JPH3: variants seen among roughly 807,000 people sequenced by gnomAD.
JPH3 encodes the protein junctophilin 3, also known as junctophilin-3.
JPH3 carries 11 observed loss-of-function variants against 59.6 expected under a neutral mutation model. The observed-to-expected ratio is 0.18, with a 90% CI of 0.12 to 0.31. The LOEUF is 0.31. Ranked by LOEUF, JPH3 falls within the 10% of genes least tolerant of loss-of-function variation. The probability of loss-of-function intolerance (pLI) is 1.00; values close to 1 mark genes in which losing one functional copy is unlikely to be tolerated. For missense variants in JPH3, 1,202 were observed against 1,105.7 expected (o/e 1.09, Z -1.24); for synonymous variants, 673 against 483.6 (o/e 1.39, Z -5.14).
At chr16:87,613,615 C>T (rs1488923368) in intron 1 of JPH3, among the ~76,000 whole-genome samples, 1 of 152,138 alleles carries the variant, frequency 6.6e-6, no homozygotes, top group African/African-American at 2.4e-5. Flanking sequence ...GCCACCTAGC[C>T]CAGCCTATTG....
chr16:87,666,408 T>C (rs1182439520), intron 2 of JPH3, among the ~76,000 whole-genome samples: 1 of 151,594 alleles, frequency 6.6e-6, no homozygotes, highest in African/African-American at 2.4e-5. Context: ...TTTTTTCCCT[T>C]GGCAACAGGG....
At chr16:87,615,427 C>T (rs1199057848) in intron 1 of JPH3, among the ~76,000 whole-genome samples, 1 of 152,228 alleles carries the variant, frequency 6.6e-6, no homozygotes, top group Non-Finnish European at 1.5e-5. Context: ...CCTTCTCTCC[C>T]AGCTCGGCAT....
intron 4 of JPH3, chr16:87,695,090 C>A (rs1567620287): frequency 2.8e-6 from 1 of 352,900 alleles, no homozygotes; most frequent in Admixed American, 3.8e-5. Context: ...TGCTGGGTCC[C>A]CGGTGTTCTC....
intron 4 of JPH3, among the ~76,000 whole-genome samples, chr16:87,693,172 C>T (rs996566005): frequency 6.6e-6 from 1 of 152,230 alleles, no homozygotes; most frequent in Non-Finnish European, 1.5e-5. Context: ...TTGCTGTGTC[C>T]ACAACTCCAC....
rs749135391 is a variant in JPH3 at position 87,684,107 on chromosome 16, CT to C, written c.1161-34del. Reference sequence around the variant, plus strand: ...CCCAGACCCCTGTCACCTGTGCCCCCTGCCCCCCCTCACGCTCCTCCCTGTC... The same window carrying C: ...CCCAGACCCCTGTCACCTGTGCCCCCGCCCCCCCTCACGCTCCTCCCTGTC... On this transcript the variant is annotated intron_variant, in intron 2 of 4. Coordinates refer to ENST00000284262, the MANE Select transcript of JPH3 (RefSeq NM_020655.4). 1,181 of 1,567,026 alleles carry C rather than the reference CT, an allele frequency of 7.5e-4. 2 individuals are homozygous for C. Among genetic ancestry groups the C allele is most frequent in the Non-Finnish European group, 8.0e-4 (913 of 1,138,764 alleles).
Position 87,626,144 on chromosome 16 carries a change from G to A in JPH3, c.383-18114G>A, listed in dbSNP as rs548801409. ...GGGGGTGCCAAGAGCAACAGCGGCCGGGGTCTCATGTCTGTGGGGCCACTC... is the reference window on the plus strand; with the variant it reads ...GGGGGTGCCAAGAGCAACAGCGGCCAGGGTCTCATGTCTGTGGGGCCACTC... On this transcript the variant is annotated intron_variant, in intron 1 of 4. Coordinates refer to ENST00000284262, the MANE Select transcript of JPH3 (RefSeq NM_020655.4). Among the ~76,000 whole-genome samples, 19 of 152,262 alleles carry A rather than the reference G, an allele frequency of 1.2e-4. 1 individual carries two copies. In the South Asian group the frequency reaches 1.9e-3, roughly 15 times the overall value.
intron 1 of JPH3, among the ~76,000 whole-genome samples, chr16:87,615,318 A>C (rs1322200588): frequency 6.6e-6 from 1 of 152,184 alleles, no homozygotes; most frequent in Non-Finnish European, 1.5e-5. Flanking sequence ...ACCCAGGCAG[A>C]GTTGGTCTTT....
At chr16:87,638,947 G>A (rs1379024416) in intron 1 of JPH3, among the ~76,000 whole-genome samples, 4 of 152,150 alleles carry the variant, frequency 2.6e-5, no homozygotes, top group Admixed American at 1.3e-4. Context: ...GGCCCAGGAC[G>A]GAGGGTAGCC....
At chr16:87,692,975 C>T (rs773608179) in intron 4 of JPH3, among the ~76,000 whole-genome samples, 1 of 152,230 alleles carries the variant, frequency 6.6e-6, no homozygotes. Flanking sequence ...GGTGGGGGAA[C>T]TTTGCACCAG....
chr16:87,647,435 T>G (rs906600953), intron 2 of JPH3, among the ~76,000 whole-genome samples: 1 of 151,970 alleles, frequency 6.6e-6, no homozygotes, highest in African/African-American at 2.4e-5. Flanking sequence ...TGCAGGCTGG[T>G]GCAGCTGTGA....
At chr16:87,676,118 T>C (rs535474183) in intron 2 of JPH3, among the ~76,000 whole-genome samples, 2 of 152,382 alleles carry the variant, frequency 1.3e-5, no homozygotes, top group South Asian at 2.1e-4. Context: ...CAGTGAATTA[T>C]ACTCTCAACA....
intron 1 of JPH3, among the ~76,000 whole-genome samples, chr16:87,626,752 G>T (rs2031392855): frequency 6.6e-6 from 1 of 152,256 alleles, no homozygotes. Context: ...AGTGGCGGGA[G>T]CGGGTGCTGG....
chr16:87,632,589 A>G (rs904105489), intron 1 of JPH3, among the ~76,000 whole-genome samples: 3 of 152,196 alleles, frequency 2.0e-5, no homozygotes, highest in South Asian at 2.1e-4. Context: ...ACCACTAAAC[A>G]CACTAATTTC....
chr16:87,626,178 T>TTG (rs1449924651), intron 1 of JPH3, among the ~76,000 whole-genome samples: 1 of 152,122 alleles, frequency 6.6e-6, no homozygotes, highest in Non-Finnish European at 1.5e-5. Context: ...TCCCATTGCT[T>TTG]TGTGCTTAGT....
At chr16:87,680,035 CA>C (rs1260571488) in intron 2 of JPH3, among the ~76,000 whole-genome samples, 1 of 152,240 alleles carries the variant, frequency 6.6e-6, no homozygotes, top group African/African-American at 2.4e-5. Flanking sequence ...CCGTTGGGGA[CA>C]GGGCAGCCAC....
chr16:87,683,709 C>T lies in JPH3; in HGVS notation c.1161-433C>T, dbSNP rs753481095. Among the ~76,000 whole-genome samples, 5 of 152,144 alleles carry T rather than the reference C, an allele frequency of 3.3e-5. No individual in the cohort carries two copies. The South Asian group carries it at 6.2e-4, about 19-fold the overall frequency. On this transcript the variant is annotated intron_variant, in intron 2 of 4. Transcript: ENST00000284262. ...GCAACCTCCACCTCCCAGATTCAAG[C>T]AATCCTCCTGCCTCAGTGTCCCGAG...
At chr16:87,633,671 C>G (rs1001351870) in intron 1 of JPH3, among the ~76,000 whole-genome samples, 1 of 151,774 alleles carries the variant, frequency 6.6e-6, no homozygotes, top group African/African-American at 2.4e-5. Flanking sequence ...TGGTGGCGGG[C>G]GCCTGTAGTA....
chr16:87,607,179 C>T (rs1320818023), intron 1 of JPH3, among the ~76,000 whole-genome samples: 1 of 152,252 alleles, frequency 6.6e-6, no homozygotes, highest in Non-Finnish European at 1.5e-5. Flanking sequence ...ATACACTGCC[C>T]AGGACCCCTG....
rs1275088086 is a variant in JPH3, at chr16:87,639,618, TCCTGGCCTCCCTCCTGGCCTCCCG to T, written c.383-4635_383-4612del. 2.9e-4 allele frequency among the ~76,000 whole-genome samples: 44 copies of T among 150,382 alleles called. No individual in the cohort carries two copies. The East Asian group carries it at 7.6e-3, about 26-fold the overall frequency. Reference sequence around the variant, plus strand: ...TGCCTGTCCTCCCTCCTGTCCTCCCTCCTGGCCTCCCTCCTGGCCTCCCGCCTGTCCTCCCGCCTGTCCTCCCTC... The same window carrying T: ...TGCCTGTCCTCCCTCCTGTCCTCCCTCCTGTCCTCCCGCCTGTCCTCCCTC... On this transcript the variant is annotated intron_variant, in intron 1 of 4. Transcript: ENST00000284262.
Sources: allele counts gnomAD v4.1 joint callset (sites outside exome capture counted in the v4.1 genomes callset), GRCh38; gene constraint gnomAD v4.1.1; transcripts MANE v1.5; gene names NCBI Gene and HGNC (gene_info 2026-07-23, HGNC 2026-07-21).